Variants in ZFAND3 observed in about 807,000 individuals in gnomAD.
The protein encoded by ZFAND3 is AN1-type zinc finger protein 3.
Under a neutral mutation model 29.6 loss-of-function variants are expected in ZFAND3, and 10 were observed. The observed-to-expected ratio is 0.34, with a 90% CI of 0.21 to 0.57. The LOEUF is 0.57. Ranked by LOEUF, ZFAND3 falls within the 20% of genes least tolerant of loss-of-function variation. ZFAND3 has a pLI of 0.86. For synonymous variants in ZFAND3, 128 were observed against 112.6 expected, an observed-to-expected ratio of 1.14 and a Z score of -0.87; for missense variants, 230 against 304.5, an observed-to-expected ratio of 0.76 and a Z score of 1.82.
rs1303268775 is a variant in ZFAND3 at position 38,144,211 on chromosome 6, A to T, written c.530-8024A>T. Among the ~76,000 whole-genome samples, 49 of 45,848 alleles carry T rather than the reference A, an allele frequency of 1.1e-3. No homozygotes were observed. The Middle Eastern group carries it at 0.034, about 32-fold the overall frequency. 30.1% of individuals were successfully genotyped at this position (45,848 alleles called of 152,430 possible). A position where few individuals can be genotyped will look rare whatever the true frequency, so the allele number is the denominator to read the frequency against. ...TATATATATATATATATATATATATAATATATAATATATATATATATTTTT... is the reference window on the plus strand; with the variant it reads ...TATATATATATATATATATATATATTATATATAATATATATATATATTTTT... On this transcript the variant is annotated intron_variant, in intron 5 of 5. Coordinates refer to ENST00000287218, the MANE Select transcript of ZFAND3 (RefSeq NM_021943.3).
At chr6:38,024,500 G>C (rs966237422) in intron 2 of ZFAND3, among the ~76,000 whole-genome samples, 1 of 151,206 alleles carries the variant, frequency 6.6e-6, no homozygotes, top group Non-Finnish European at 1.5e-5. Flanking sequence ...ACCTAAACGT[G>C]CATGTTTGTT....
chr6:38,101,974 A>G (rs575242615), intron 4 of ZFAND3, among the ~76,000 whole-genome samples: 8 of 152,244 alleles, frequency 5.3e-5, no homozygotes, highest in African/African-American at 1.7e-4. Context: ...ACGTTCAAAC[A>G]TTTCCCCCTT....
intron 2 of ZFAND3, among the ~76,000 whole-genome samples, chr6:38,052,293 A>T (rs1487437638): frequency 6.6e-6 from 1 of 152,226 alleles, no homozygotes; most frequent in Non-Finnish European, 1.5e-5. Flanking sequence ...CCAGTTATCC[A>T]TGATGAATAA....
intron 3 of ZFAND3, among the ~76,000 whole-genome samples, chr6:38,081,820 G>A (rs551816193): frequency 6.6e-6 from 1 of 151,724 alleles, no homozygotes; most frequent in East Asian, 1.9e-4. Flanking sequence ...AGGGCCTCTC[G>A]ATATCATATT....
chr6:37,947,890 AG>A lies in ZFAND3; in HGVS notation c.112+17892del, dbSNP rs1241954565. The stretch of plus-strand genomic sequence containing the variant: ...ATTATGACATTGGAGCATTTAGCTT[AG>A]TATTTCCTTTCTTTTTTTCCCTTCC... On this transcript the variant is annotated intron_variant, in intron 2 of 5. Coordinates refer to ENST00000287218, the MANE Select transcript of ZFAND3 (RefSeq NM_021943.3). Among the ~76,000 whole-genome samples the A allele has an allele frequency of 1.3e-4, 20 of 152,188 alleles. No homozygotes were observed. In the East Asian group the frequency reaches 2.1e-3, roughly 16 times the overall value.
At chr6:38,030,180 T>G (rs1177061938) in intron 2 of ZFAND3, among the ~76,000 whole-genome samples, 1 of 149,646 alleles carries the variant, frequency 6.7e-6, no homozygotes, top group East Asian at 2.0e-4. Flanking sequence ...TTCCTTTTTT[T>G]CCTTTAAAAT....
intron 1 of ZFAND3, among the ~76,000 whole-genome samples, chr6:37,869,629 C>T (rs1764654923): frequency 6.6e-6 from 1 of 151,702 alleles, no homozygotes; most frequent in Admixed American, 6.6e-5. Flanking sequence ...ACACCTCACA[C>T]TCCTGAGTAG....
intron 2 of ZFAND3, among the ~76,000 whole-genome samples, chr6:37,945,229 CT>C (rs1761880727): frequency 6.6e-6 from 1 of 152,142 alleles, no homozygotes; most frequent in South Asian, 2.1e-4. Context: ...CAACAGTTTC[CT>C]TTTTGCTAGT....
At position 37,891,552 on chromosome 6, in the gene ZFAND3, T is replaced by TCACA. The variant is rs144493114; in HGVS notation, c.72-38405_72-38402dup. On this transcript the variant is annotated intron_variant, in intron 1 of 5. Coordinates refer to ENST00000287218, the MANE Select transcript of ZFAND3 (RefSeq NM_021943.3). Reference sequence around the variant, plus strand: ...AGATGGAGGTTGCAGTGAGCCGAGATCACACCACTGCTGCACTCCAGCCTG... The same window carrying TCACA: ...AGATGGAGGTTGCAGTGAGCCGAGATCACACACACCACTGCTGCACTCCAGCCTG... Among the ~76,000 whole-genome samples, 465 of 147,276 alleles carry TCACA rather than the reference T, an allele frequency of 3.2e-3. 3 individuals carry two copies. Among genetic ancestry groups the TCACA allele is most frequent in the African/African-American group, 0.011 (442 of 39,692 alleles).
At chr6:37,952,715 T>C (rs1581788052) in intron 2 of ZFAND3, among the ~76,000 whole-genome samples, 1 of 152,140 alleles carries the variant, frequency 6.6e-6, no homozygotes, top group African/African-American at 2.4e-5. Context: ...AGTGGGCTAC[T>C]TCTCACCAAT....
chr6:37,905,506 G>A (rs868063197), intron 1 of ZFAND3, among the ~76,000 whole-genome samples: 2 of 152,100 alleles, frequency 1.3e-5, no homozygotes, highest in African/African-American at 4.8e-5. Context: ...TACTGGTAGA[G>A]GGAAAGAAAT....
chr6:37,824,514 G>A (rs570460372), intron 1 of ZFAND3, among the ~76,000 whole-genome samples: 104 of 152,260 alleles, frequency 6.8e-4, no homozygotes, highest in Admixed American at 1.7e-3. Flanking sequence ...TTTAAGTACA[G>A]AAATATAATT....
At chr6:38,006,677 T>TTTTTTTTTTTTTTTTTTTTA (rs1554166608) in intron 2 of ZFAND3, among the ~76,000 whole-genome samples, 1 of 141,150 alleles carries the variant, frequency 7.1e-6, no homozygotes. Context: ...TTTTTTTTTT[T>TTTTTTTTTTTTTTTTTTTTA]AATTGATGGT....
At chr6:38,003,104 C>G (rs1762979270) in intron 2 of ZFAND3, 1 of 153,200 alleles carries the variant, frequency 6.5e-6, no homozygotes, top group Admixed American at 6.5e-5. Flanking sequence ...ATATTCAGCC[C>G]CTCATATAGA....
intron 2 of ZFAND3, among the ~76,000 whole-genome samples, chr6:37,942,087 G>A (rs2842513): frequency 0.86 from 129,770 of 151,656 alleles, 56,671 homozygotes; most frequent in East Asian, 0.96. Context: ...GAATGTAATG[G>A]GCTGTGTGCT....
At position 37,948,813 on chromosome 6, in the gene ZFAND3, C is replaced by G. The variant is rs1581785002; in HGVS notation, c.112+18814C>G. On this transcript the variant is annotated intron_variant, in intron 2 of 5. Transcript: ENST00000287218. ...TTCTTTTTTATGGCTGCATAGTATT[C>G]TGTGGTGTTGTCTGTACCACATTTT... 2.0e-5 allele frequency among the ~76,000 whole-genome samples: 3 copies of G among 152,152 alleles called. No homozygotes were observed. In the South Asian group the frequency reaches 6.2e-4, roughly 31 times the overall value.
At chr6:37,886,561 A>G (rs1448852141) in intron 1 of ZFAND3, among the ~76,000 whole-genome samples, 2 of 152,220 alleles carry the variant, frequency 1.3e-5, no homozygotes, top group African/African-American at 2.4e-5. Flanking sequence ...TATCATGGAA[A>G]GGACCCTTGA....
At chr6:38,135,748 TAAAA>T (rs894293277) in intron 5 of ZFAND3, among the ~76,000 whole-genome samples, 2 of 145,332 alleles carry the variant, frequency 1.4e-5, no homozygotes, top group African/African-American at 2.5e-5. Context: ...CCATCTCAAT[TAAAA>T]AAAAAACAAA....
chr6:37,825,688 T>G (rs1342239954), intron 1 of ZFAND3, among the ~76,000 whole-genome samples: 1 of 152,168 alleles, frequency 6.6e-6, no homozygotes, highest in African/African-American at 2.4e-5. Context: ...AAACTTTAAA[T>G]CATACTGAAA....
Sources: allele counts gnomAD v4.1 joint callset (sites outside exome capture counted in the v4.1 genomes callset), GRCh38; gene constraint gnomAD v4.1.1; transcripts MANE v1.5; gene names NCBI Gene and HGNC (gene_info 2026-07-23, HGNC 2026-07-21).